Variants in PXDNL observed in about 807,000 individuals in gnomAD.
PXDNL encodes the protein peroxidasin like.
Under a neutral mutation model 150.8 loss-of-function variants are expected in PXDNL, and 145 were observed. That is an observed-to-expected ratio of 0.96 (90% CI 0.84 to 1.10). PXDNL has a LOEUF of 1.10. Among genes scored for constraint, PXDNL ranks in the 50% least tolerant of loss-of-function variants. The pLI is 0.00. For synonymous variants in PXDNL, 757 were observed against 725.7 expected, an observed-to-expected ratio of 1.04 and a Z score of -0.69; for missense variants, 2,087 against 1,873.9, an observed-to-expected ratio of 1.11 and a Z score of -2.10.
intron 1 of PXDNL, among the ~76,000 whole-genome samples, chr8:51,768,341 G>A (rs2037254423): frequency 6.7e-6 from 1 of 150,274 alleles, no homozygotes; most frequent in African/African-American, 2.5e-5. Flanking sequence ...TGTTTCCTCT[G>A]GCCAAGAGAA....
intron 21 of PXDNL, among the ~76,000 whole-genome samples, chr8:51,331,245 C>T (rs944850225): frequency 6.6e-6 from 1 of 152,048 alleles, no homozygotes; most frequent in Non-Finnish European, 1.5e-5. Flanking sequence ...GAGATGTTCC[C>T]GACTTTACCT....
At chr8:51,624,165 T>C (rs1814317118) in intron 2 of PXDNL, among the ~76,000 whole-genome samples, 1 of 146,736 alleles carries the variant, frequency 6.8e-6, no homozygotes, top group African/African-American at 2.5e-5. Context: ...GTCAGAATCC[T>C]ATCTGCCCCC....
intron 4 of PXDNL, among the ~76,000 whole-genome samples, chr8:51,507,680 C>G (rs577443064): frequency 6.6e-6 from 1 of 152,294 alleles, no homozygotes; most frequent in South Asian, 2.1e-4. Context: ...TGGTTTTCAG[C>G]TTAGGATGAT....
At chr8:51,396,015 A>T (rs2977008) in intron 17 of PXDNL, among the ~76,000 whole-genome samples, 3 of 152,074 alleles carry the variant, frequency 2.0e-5, no homozygotes, top group African/African-American at 7.3e-5. Flanking sequence ...GACTACTTAC[A>T]CCTCTCTTGC....
chr8:51,537,831 A>C (rs889620116), intron 4 of PXDNL, among the ~76,000 whole-genome samples: 1 of 152,096 alleles, frequency 6.6e-6, no homozygotes, highest in Non-Finnish European at 1.5e-5. Flanking sequence ...GCGGTGCCCA[A>C]AAAAGAGGTT....
chr8:51,616,632 G>C (rs576686978), intron 2 of PXDNL, among the ~76,000 whole-genome samples: 18 of 152,258 alleles, frequency 1.2e-4, no homozygotes, highest in African/African-American at 4.3e-4. Flanking sequence ...TAACCTACAT[G>C]TGTATACTTT....
At chr8:51,347,001 G>A (rs140292758) in intron 19 of PXDNL, among the ~76,000 whole-genome samples, 284 of 152,036 alleles carry the variant, frequency 1.9e-3, no homozygotes, top group African/African-American at 5.9e-3. Flanking sequence ...AAAGAATGAC[G>A]TAGGAATCAA....
intron 4 of PXDNL, among the ~76,000 whole-genome samples, chr8:51,522,743 C>T (rs1013254142): frequency 2.0e-5 from 3 of 152,060 alleles, no homozygotes; most frequent in Admixed American, 2.0e-4. Context: ...ACTAGGGAGG[C>T]TGAGGCAGGA....
intron 6 of PXDNL, among the ~76,000 whole-genome samples, chr8:51,483,106 G>A (rs1810640035): frequency 1.3e-5 from 2 of 152,240 alleles, no homozygotes; most frequent in South Asian, 4.1e-4. Flanking sequence ...CAGCTGGAAT[G>A]CAGGAGGGTG....
At chr8:51,624,099 CAAAAAA>C (rs59841822) in intron 2 of PXDNL, among the ~76,000 whole-genome samples, 38 of 79,618 alleles carry the variant, frequency 4.8e-4, no homozygotes, top group East Asian at 2.2e-3. Flanking sequence ...TCTCAAATTA[CAAAAAA>C]AAAAAAAAAA....
At chr8:51,749,004 G>GT (rs1232575474) in intron 1 of PXDNL, among the ~76,000 whole-genome samples, 1 of 152,120 alleles carries the variant, frequency 6.6e-6, no homozygotes, top group African/African-American at 2.4e-5. Flanking sequence ...CGTAACTAGT[G>GT]TAAGTATGAT....
intron 1 of PXDNL, among the ~76,000 whole-genome samples, chr8:51,773,532 T>C (rs931377413): frequency 6.6e-6 from 1 of 152,174 alleles, no homozygotes; most frequent in Non-Finnish European, 1.5e-5. Context: ...GGAAGACCAA[T>C]AGCCCAAACA....
At chr8:51,615,812 A>C (rs555206912) in intron 2 of PXDNL, among the ~76,000 whole-genome samples, 216 of 152,362 alleles carry the variant, frequency 1.4e-3, no homozygotes, top group African/African-American at 4.9e-3. Flanking sequence ...TATGATGTTA[A>C]GATCAGCCCT....
chr8:51,354,263 A>G (rs576207723), intron 19 of PXDNL, among the ~76,000 whole-genome samples: 1 of 152,222 alleles, frequency 6.6e-6, no homozygotes, highest in East Asian at 1.9e-4. Context: ...TCTAATTTTT[A>G]TCATTTATCA....
chr8:51,504,422 C>T (rs889399008), intron 4 of PXDNL, among the ~76,000 whole-genome samples: 2 of 152,172 alleles, frequency 1.3e-5, no homozygotes, highest in African/African-American at 4.8e-5. Context: ...ACCTGCCATA[C>T]TCCTGCCTAC....
intron 6 of PXDNL, among the ~76,000 whole-genome samples, chr8:51,480,538 C>T (rs931074517): frequency 1.3e-5 from 2 of 152,190 alleles, no homozygotes; most frequent in African/African-American, 4.8e-5. Context: ...CCACGACTGA[C>T]ATTAGGGATT....
intron 3 of PXDNL, among the ~76,000 whole-genome samples, chr8:51,572,109 G>T (rs1373219555): frequency 6.6e-6 from 1 of 151,624 alleles, no homozygotes; most frequent in Non-Finnish European, 1.5e-5. Flanking sequence ...TTTATAATGG[G>T]TTTATCAGGA....
At chr8:51,429,915 TTAACACA>T (rs1453131685) in intron 12 of PXDNL, among the ~76,000 whole-genome samples, 1 of 152,114 alleles carries the variant, frequency 6.6e-6, no homozygotes, top group Non-Finnish European at 1.5e-5. Flanking sequence ...ATATTCTAAG[TTAACACA>T]TGCATTTCAG....
chr8:51,755,768 C>G (rs1320524666), intron 1 of PXDNL, among the ~76,000 whole-genome samples: 1 of 152,084 alleles, frequency 6.6e-6, no homozygotes, highest in Non-Finnish European at 1.5e-5. Context: ...ATGTAATTTT[C>G]TTCTGTTGAG....
Sources: gnomAD v4.1 joint callset for allele counts (sites outside exome capture counted in the v4.1 genomes callset) on GRCh38, gnomAD v4.1.1 for gene constraint, MANE v1.5 for transcripts, NCBI Gene and HGNC (gene_info 2026-07-23, HGNC 2026-07-21) for gene names.